Variants in STX16 observed in about 807,000 individuals in gnomAD.
STX16 encodes the protein syntaxin 16, also known as syntaxin-16.
In STX16, 28 loss-of-function variants were observed where a neutral mutation model predicts 42.7. The ratio of observed to expected loss-of-function variants is 0.66; its 90% confidence interval spans 0.49 to 0.90. The LOEUF is 0.90. Ranked by LOEUF, STX16 falls within the 40% of genes least tolerant of loss-of-function variation. The probability of loss-of-function intolerance (pLI) is 0.00; values close to 1 mark genes in which losing one functional copy is unlikely to be tolerated. For missense variants in STX16, 361 were observed against 420.9 expected (o/e 0.86, Z 1.24); for synonymous variants, 156 against 155.2 (o/e 1.00, Z -0.04).
At chr20:58,671,426 A>G (rs1458287006) in intron 7 of STX16, 129 bp downstream of exon 7, 34 of 476,814 alleles carry the variant, frequency 7.1e-5, no homozygotes, top group Middle Eastern at 5.7e-4. Flanking sequence ...CCTGTCCTTT[A>G]TGTGTGTGTG....
rs367970007 is a variant in STX16, at chr20:58,669,309, C to G, written c.412C>G (p.Arg138Gly). The change falls in exon 5 of 9, where the codon CGT (arginine) becomes GGT (glycine). Residue 138 changes from arginine to glycine, a missense_variant. By Grantham distance (125) the Arg-to-Gly change is moderately radical. Coordinates refer to ENST00000371141, the MANE Select transcript of STX16 (RefSeq NM_001001433.3). ...EITQLFHRCQ[R>G]AVQALPSRAR... The stretch of plus-strand genomic sequence containing the variant: ...CTCTTAGCTCTTCCACAGGTGCCAG[C>G]GTGCCGTGCAGGCCCTGCCGAGCCG... 31 of 1,611,146 alleles carry G rather than the reference C, an allele frequency of 1.9e-5. No individual in the cohort carries two copies. The highest frequency in any genetic ancestry group is 2.5e-5 in the Non-Finnish European group (29 of 1,179,550).
rs2083976571 is a variant in STX16, at chr20:58,671,479, A to T, written c.792+182A>T. Among the ~76,000 whole-genome samples, 4 of 35,296 alleles carry T rather than the reference A, an allele frequency of 1.1e-4. No homozygotes were observed. In the South Asian group the frequency reaches 3.1e-3, roughly 28 times the overall value. 23.2% of individuals were successfully genotyped at this position (35,296 alleles called of 152,430 possible). ...GTGTGTGTGTGTGTGTGTGTATATTAATATTAATCAAATATTAAATTTGAT... is the reference window on the plus strand; with the variant it reads ...GTGTGTGTGTGTGTGTGTGTATATTTATATTAATCAAATATTAAATTTGAT... On this transcript the variant is annotated intron_variant, in intron 7 of 8. Transcript: ENST00000371141.
rs2083915264 is a variant in STX16, at chr20:58,669,361, G to A, written c.464G>A (p.Gly155Glu). ...GCCCGGGCCTGCTCCGAGCAGGAGGGGCGGCTGCTTGGGAACGTGGTGGCC... is the reference window on the plus strand; with the variant it reads ...GCCCGGGCCTGCTCCGAGCAGGAGGAGCGGCTGCTTGGGAACGTGGTGGCC... ...SRARACSEQE[G>E]RLLGNVVASL... Residue 155 changes from glycine (G) to glutamate (E), a missense_variant, in exon 5 of 9, where the codon GGG becomes GAG. Transcript: ENST00000371141. The A allele has an allele frequency of 6.2e-7, 1 of 1,611,702 alleles. No homozygotes were observed. The highest frequency in any genetic ancestry group is 1.3e-5 in the African/African-American group (1 of 74,842).
intron 2 of STX16, among the ~76,000 whole-genome samples, chr20:58,660,271 G>A (rs998079695): frequency 1.3e-5 from 2 of 152,192 alleles, no homozygotes; most frequent in African/African-American, 4.8e-5. Context: ...GAGAAAAAAT[G>A]AGATTAAAAC....
chr20:58,670,564 A>C lies in STX16; in HGVS notation c.609A>C (p.Pro203=). 1.2e-6 allele frequency: 2 copies of C among 1,614,166 alleles called. No individual in the cohort carries two copies. The highest frequency in any genetic ancestry group is 1.7e-6 in the Non-Finnish European group (2 of 1,180,004). ...AGCATTTTTTCGACACATCAGTACC[A>C]CTAATGGATGATGGAGACGATAACA... ...RSQHFFDTSV[P]LMDDGDDNTL... is the part of the protein sequence containing the mutation. The change falls in exon 6 of 9, where the codon CCA becomes CCC. Residue 203 remains proline, a synonymous_variant. Coordinates refer to ENST00000371141, the MANE Select transcript of STX16 (RefSeq NM_001001433.3).
intron 2 of STX16, among the ~76,000 whole-genome samples, chr20:58,660,555 T>C (rs184037968): frequency 1.1e-3 from 160 of 152,222 alleles, no homozygotes; most frequent in Non-Finnish European, 2.0e-3. Flanking sequence ...ATAGCCTTCA[T>C]TGGGAACTGG....
rs1600978327 is a variant in STX16, at chr20:58,652,089, T to C, written c.83T>C (p.Val28Ala). The C allele has an allele frequency of 6.2e-7, 1 of 1,614,168 alleles. No homozygotes were observed. Among genetic ancestry groups the C allele is most frequent in the Non-Finnish European group, 8.5e-7 (1 of 1,180,010 alleles). Residue 28 changes from valine (V) to alanine (A), a missense_variant, in exon 1 of 9, where the codon GTG becomes GCG. Physicochemically the swap from Val to Ala is moderately conservative, Grantham distance 64 (BLOSUM62 0). Transcript: ENST00000371141. Reference sequence around the variant, plus strand: ...AACCGGCAGCTGTTAGCCGAGCAAGTGAGTAGTCACATCACCTCCAGCCCT... The same window carrying C: ...AACCGGCAGCTGTTAGCCGAGCAAGCGAGTAGTCACATCACCTCCAGCCCT... ...IQNRQLLAEQ[V>A]SSHITSSPLH...
intron 3 of STX16, 98 bp from the exon 4 acceptor site, chr20:58,667,889 G>C: frequency 6.6e-7 from 1 of 1,525,766 alleles, no homozygotes; most frequent in Non-Finnish European, 8.9e-7. Context: ...AAGCCAACAA[G>C]TTTGCTGAAG....
chr20:58,668,148 C>G, intron 4 of STX16, 21 bp downstream of exon 4: 1 of 1,613,526 alleles, frequency 6.2e-7, no homozygotes, highest in Non-Finnish European at 8.5e-7. Context: ...CAAGTGAGTC[C>G]TGGGGAAACC....
intron 6 of STX16, 29 bp from the exon 7 acceptor site, chr20:58,671,125 A>G (rs757957533): frequency 2.5e-6 from 4 of 1,600,190 alleles, no homozygotes; most frequent in Admixed American, 1.7e-5. Flanking sequence ...AAAACAATCT[A>G]TCCAACACAT....
At chr20:58,672,375 T>G (rs564468090) in intron 7 of STX16, among the ~76,000 whole-genome samples, 6 of 152,040 alleles carry the variant, frequency 3.9e-5, no homozygotes, top group South Asian at 2.1e-4. Context: ...ACTTTCAAGC[T>G]ATGTATATGA....
intron 2 of STX16, among the ~76,000 whole-genome samples, chr20:58,665,431 T>C (rs2083799639): frequency 6.6e-6 from 1 of 152,106 alleles, no homozygotes. Flanking sequence ...TTGGCACCTT[T>C]GAGGGTGGAA....
chr20:58,673,739 C>T, intron 8 of STX16, 28 bp downstream of exon 8: 1 of 1,496,906 alleles, frequency 6.7e-7, no homozygotes, highest in Admixed American at 1.7e-5. Flanking sequence ...ACTTGGGAAT[C>T]TTAGGAACTA....
chr20:58,666,423 G>GTTT (rs5842238), intron 2 of STX16, among the ~76,000 whole-genome samples: 23 of 79,682 alleles, frequency 2.9e-4, no homozygotes, highest in East Asian at 8.4e-4. Flanking sequence ...GTGTGTGTGT[G>GTTT]TTTTTTTTTT....
At chr20:58,661,538 C>T (rs921215991) in intron 2 of STX16, among the ~76,000 whole-genome samples, 27 of 152,232 alleles carry the variant, frequency 1.8e-4, no homozygotes, top group African/African-American at 6.5e-4. Flanking sequence ...TTTCCTTGTG[C>T]GTTTCACTTG....
At chr20:58,670,436 AT>A in intron 5 of STX16, 75 bp from the exon 6 acceptor site, 1 of 1,202,608 alleles carries the variant, frequency 8.3e-7, no homozygotes, top group Non-Finnish European at 1.2e-6. Context: ...TTACTCTAGA[AT>A]TCCCCCTTTT....
At chr20:58,673,813 G>C (rs1472398425) in intron 8 of STX16, 102 bp downstream of exon 8, 4 of 856,970 alleles carry the variant, frequency 4.7e-6, no homozygotes, top group African/African-American at 1.7e-5. Flanking sequence ...CAGCATTCTT[G>C]TGTTGTCCAC....
rs2084218060 is a variant in STX16 at position 58,679,396 on chromosome 20, G to A, written c.*3105G>A. ...CTTGTATGCTTAAATAAAGCAATTA[G>A]TGAAGCACTTCTATCCAAAATGACT... On this transcript the variant is annotated 3_prime_UTR_variant, in exon 9 of 9. Coordinates refer to ENST00000371141, the MANE Select transcript of STX16 (RefSeq NM_001001433.3). 2 of 152,610 alleles carry A rather than the reference G, an allele frequency of 1.3e-5. No homozygotes were observed. Among genetic ancestry groups the A allele is most frequent in the East Asian group, 1.9e-4 (1 of 5,200 alleles). The allele number at this position is 152,610 out of a possible 1,614,324, so 9.5% of individuals were successfully genotyped here.
At position 58,671,277 on chromosome 20, in the gene STX16, G is replaced by A. The variant is rs1256725688; in HGVS notation, c.772G>A (p.Gly258Arg). ...SDLNEIFRDLGAMIVEQGTVL... is the reference protein window; with the variant it reads ...SDLNEIFRDLRAMIVEQGTVL... ...CCTGAATGAAATATTCAGGGACTTA[G>A]GGGCGATGATTGTAGAACAGGTACG... Residue 258 changes from glycine (G) to arginine (R), a missense_variant, in exon 7 of 9, where the codon GGG becomes AGG. By Grantham distance (125) the Gly-to-Arg change is moderately radical (BLOSUM62 -2). Coordinates refer to ENST00000371141, the MANE Select transcript of STX16 (RefSeq NM_001001433.3). The A allele has an allele frequency of 6.2e-7, 1 of 1,613,220 alleles. No individual in the cohort carries two copies. Among genetic ancestry groups the A allele is most frequent in the East Asian group, 2.2e-5 (1 of 44,872 alleles).
Sources: allele counts gnomAD v4.1 joint callset (sites outside exome capture counted in the v4.1 genomes callset), GRCh38; gene constraint gnomAD v4.1.1; transcripts MANE v1.5; gene names NCBI Gene and HGNC (gene_info 2026-07-23, HGNC 2026-07-21).